Variants in TOX2 observed in about 807,000 individuals in gnomAD.
TOX2 encodes the protein granulosa cell HMG box 1.
Under a neutral mutation model 47.4 loss-of-function variants are expected in TOX2, and 15 were observed. That is an observed-to-expected ratio of 0.32 (90% CI 0.21 to 0.49). The LOEUF (loss-of-function observed/expected upper bound fraction) is 0.49, where lower values mean the gene tolerates loss of function less well. Among genes scored for constraint, TOX2 ranks in the 20% least tolerant of loss-of-function variants. TOX2 has a pLI of 0.99. For missense variants in TOX2, 622 were observed against 673.1 expected, an observed-to-expected ratio of 0.92 and a Z score of 0.84; for synonymous variants, 290 against 296.6, an observed-to-expected ratio of 0.98 and a Z score of 0.23.
chr20:43,981,935 CT>C (rs71337843), intron 2 of TOX2, among the ~76,000 whole-genome samples: 24,048 of 137,542 alleles, frequency 0.17, 2,677 homozygotes, highest in African/African-American at 0.34. Context: ...AAGGGATTTT[CT>C]TTTTTTTTTT....
chr20:43,981,209 T>C (rs924012933), intron 2 of TOX2, among the ~76,000 whole-genome samples: 19 of 152,210 alleles, frequency 1.2e-4, no homozygotes, highest in African/African-American at 4.6e-4. Context: ...ACTTTATACA[T>C]TTCTGTGGGC....
At chr20:44,067,479 C>T (rs2071848179) in intron 8 of TOX2, among the ~76,000 whole-genome samples, 1 of 152,070 alleles carries the variant, frequency 6.6e-6, no homozygotes, top group South Asian at 2.1e-4. Context: ...AAGACTAGAA[C>T]AGCTAAGAAT....
chr20:44,043,109 CACT>C (rs1375621150), intron 3 of TOX2, among the ~76,000 whole-genome samples: 1 of 152,136 alleles, frequency 6.6e-6, no homozygotes, highest in African/African-American at 2.4e-5. Context: ...GGGAAGATGT[CACT>C]CAGGGACTTG....
chr20:43,995,708 T>C (rs1281027191), intron 2 of TOX2, among the ~76,000 whole-genome samples: 2 of 152,192 alleles, frequency 1.3e-5, no homozygotes, highest in East Asian at 3.8e-4. Flanking sequence ...TTCCTTTTCT[T>C]GTGTTGATGA....
At chr20:43,934,622 T>C (rs577886817) in intron 1 of TOX2, among the ~76,000 whole-genome samples, 16 of 152,146 alleles carry the variant, frequency 1.1e-4, no homozygotes, top group Admixed American at 6.5e-4. Context: ...GGGAGGACAC[T>C]GACTACCAGG....
intron 1 of TOX2, among the ~76,000 whole-genome samples, chr20:43,922,409 C>T (rs778441965): frequency 2.0e-5 from 3 of 152,122 alleles, no homozygotes; most frequent in Non-Finnish European, 4.4e-5. Flanking sequence ...GAAAGTTTAG[C>T]GCAGGTAAAC....
At chr20:44,003,987 C>T (rs949000542) in intron 2 of TOX2, among the ~76,000 whole-genome samples, 2 of 152,040 alleles carry the variant, frequency 1.3e-5, no homozygotes, top group Non-Finnish European at 2.9e-5. Flanking sequence ...TAGAGCAGCC[C>T]GAGTGGCCAA....
At chr20:44,008,645 C>T (rs180765293) in intron 3 of TOX2, among the ~76,000 whole-genome samples, 9 of 152,150 alleles carry the variant, frequency 5.9e-5, no homozygotes, top group African/African-American at 1.9e-4. Flanking sequence ...TTTTATACCA[C>T]AGAAAAATCT....
chr20:44,020,649 T>C (rs549170629), intron 3 of TOX2, among the ~76,000 whole-genome samples: 36 of 152,166 alleles, frequency 2.4e-4, no homozygotes, highest in African/African-American at 8.2e-4. Context: ...CCTGGGGACC[T>C]GTTAGAGATG....
chr20:44,004,936 G>A (rs891711770), intron 2 of TOX2, among the ~76,000 whole-genome samples: 2 of 152,204 alleles, frequency 1.3e-5, no homozygotes, highest in African/African-American at 4.8e-5. Context: ...TATATAGTCT[G>A]AAAGAGCTAG....
At chr20:43,972,557 G>C (rs368441974) in intron 1 of TOX2, among the ~76,000 whole-genome samples, 6 of 152,248 alleles carry the variant, frequency 3.9e-5, no homozygotes, top group African/African-American at 1.2e-4. Flanking sequence ...TTAATGTGTT[G>C]AGTCAAGTGC....
chr20:44,023,262 C>G (rs1019996629), intron 3 of TOX2, among the ~76,000 whole-genome samples: 2 of 151,816 alleles, frequency 1.3e-5, no homozygotes, highest in Non-Finnish European at 2.9e-5. Flanking sequence ...AACCCTGCCT[C>G]TACTAAAACA....
At position 43,961,856 on chromosome 20, in the gene TOX2, C is replaced by T. The variant is rs534859925; in HGVS notation, c.100-11511C>T. On this transcript the variant is annotated intron_variant, in intron 1 of 8. Coordinates refer to ENST00000341197, the MANE Select transcript of TOX2 (RefSeq NM_001098797.2). Reference sequence around the variant, plus strand: ...AGCCCAGAGAAAGGCCTCAAAGTCGCGAGCCCAATCAGATGAGGTCCTGGC... The same window carrying T: ...AGCCCAGAGAAAGGCCTCAAAGTCGTGAGCCCAATCAGATGAGGTCCTGGC... 1.7e-3 allele frequency among the ~76,000 whole-genome samples: 264 copies of T among 152,178 alleles called. 2 individuals carry two copies. The highest frequency in any genetic ancestry group is 5.6e-3 in the African/African-American group (231 of 41,512).
At chr20:43,939,319 G>A (rs1205481904) in intron 1 of TOX2, among the ~76,000 whole-genome samples, 1 of 152,202 alleles carries the variant, frequency 6.6e-6, no homozygotes, top group Admixed American at 6.5e-5. Flanking sequence ...TTTGTGGTAA[G>A]GTTTGCATAG....
intron 1 of TOX2, among the ~76,000 whole-genome samples, chr20:43,949,169 C>G (rs775365861): frequency 6.6e-6 from 1 of 152,256 alleles, no homozygotes; most frequent in Non-Finnish European, 1.5e-5. Flanking sequence ...ATATGACTGT[C>G]CACCCCTCGG....
At chr20:43,984,200 C>T (rs2070222655) in intron 2 of TOX2, among the ~76,000 whole-genome samples, 1 of 152,196 alleles carries the variant, frequency 6.6e-6, no homozygotes, top group Non-Finnish European at 1.5e-5. Context: ...AAACATCACA[C>T]TTTAAAAATA....
At chr20:44,048,966 G>A (rs565816572) in intron 3 of TOX2, among the ~76,000 whole-genome samples, 28 of 152,230 alleles carry the variant, frequency 1.8e-4, no homozygotes, top group Non-Finnish European at 2.5e-4. Flanking sequence ...GCGAAACCCC[G>A]TCTCGCTCTA....
In TOX2 at chr20:43,929,019, C is replaced by T. The variant is rs1050528333; in HGVS notation, c.99+14029C>T. On this transcript the variant is annotated intron_variant, in intron 1 of 8. Coordinates refer to ENST00000341197, the MANE Select transcript of TOX2 (RefSeq NM_001098797.2). Reference sequence around the variant, plus strand: ...AAAAAACAACAACAAAAAAACTGGGCATGGTGGCTCGTGCCTGTAATCTCA... The same window carrying T: ...AAAAAACAACAACAAAAAAACTGGGTATGGTGGCTCGTGCCTGTAATCTCA... Among the ~76,000 whole-genome samples the T allele has an allele frequency of 6.9e-4, 94 of 136,572 alleles. No homozygotes were observed. The Middle Eastern group carries it at 0.011, about 16-fold the overall frequency. The allele number at this position is 136,572 out of a possible 152,430, so 89.6% of individuals were successfully genotyped here.
chr20:44,049,198 G>A (rs1230398452), intron 3 of TOX2, among the ~76,000 whole-genome samples: 4 of 152,184 alleles, frequency 2.6e-5, no homozygotes, highest in South Asian at 2.1e-4. Flanking sequence ...CAGGCAATCT[G>A]GACAAGCCTG....
Sources: gnomAD v4.1 joint callset for allele counts (sites outside exome capture counted in the v4.1 genomes callset) on GRCh38, gnomAD v4.1.1 for gene constraint, MANE v1.5 for transcripts, NCBI Gene and HGNC (gene_info 2026-07-23, HGNC 2026-07-21) for gene names.